LRRC31: variants seen among roughly 807,000 people sequenced by gnomAD.
LRRC31 encodes leucine rich repeat containing 31.
LRRC31 carries 35 observed loss-of-function variants against 46.7 expected under a neutral mutation model. The ratio of observed to expected loss-of-function variants is 0.75; its 90% CI spans 0.57 to 0.99. The LOEUF is 0.99. Among genes scored for constraint, LRRC31 ranks in the 50% least tolerant of loss-of-function variants. The pLI, the probability that LRRC31 is intolerant of heterozygous loss-of-function variation, is 0.00. For missense variants in LRRC31, 613 were observed against 626.1 expected, an observed-to-expected ratio of 0.98 and a Z score of 0.22; for synonymous variants, 236 against 235.1, an observed-to-expected ratio of 1.00 and a Z score of -0.03.
chr3:169,860,604 C>A lies in LRRC31; in HGVS notation c.444G>T (p.Arg148Ser). The change falls in exon 3 of 9, where the codon AGG becomes AGT. Residue 148 changes from arginine (R) to serine (S), a missense_variant. Transcript: ENST00000316428. ...MHLVSKLKIL[R>S]LGSCRLTTDD... ...CAGTGGTGAGTCTGCAGCTACCCAG[C>A]CTCAAGATTTTTAACTTGCTGACCA... 1.9e-6 allele frequency: 3 copies of A among 1,614,116 alleles called. No individual in the cohort carries two copies. The highest frequency in any genetic ancestry group is 2.5e-6 in the Non-Finnish European group (3 of 1,180,004).
chr3:169,856,695 T>C lies in LRRC31; in HGVS notation c.655+10A>G. On this transcript the variant is annotated intron_variant, in intron 4 of 8. Transcript: ENST00000316428. ...TTCACTTTTTTTTTTTCTCTTCAAA[T>C]TCCACTTACCCAGAAATGTCCCATC... 4 of 1,549,930 alleles carry C rather than the reference T, an allele frequency of 2.6e-6. No homozygotes were observed. The highest frequency in any genetic ancestry group is 1.4e-5 in the African/African-American group (1 of 71,940).
intron 1 of LRRC31, among the ~76,000 whole-genome samples, chr3:169,862,307 C>A (rs1781191138): frequency 6.6e-6 from 1 of 152,164 alleles, no homozygotes; most frequent in Admixed American, 6.6e-5. Context: ...GTTTCTAGAC[C>A]ATTCAATTGG....
intron 7 of LRRC31, among the ~76,000 whole-genome samples, chr3:169,849,743 T>G (rs1277597930): frequency 6.6e-6 from 1 of 152,230 alleles, no homozygotes; most frequent in Non-Finnish European, 1.5e-5. Context: ...GTTAGTCATC[T>G]AGCTACCCTC....
chr3:169,857,318 C>CTATATATATATA (rs34162537), intron 3 of LRRC31, among the ~76,000 whole-genome samples: 816 of 65,022 alleles, frequency 0.013, 1 homozygote, highest in Middle Eastern at 0.023. Context: ...TATCACATGC[C>CTATATATATATA]TATATATATA....
chr3:169,840,321 A>G lies in LRRC31; in HGVS notation c.1328-8T>C, dbSNP rs1432930747. The G allele has an allele frequency of 6.2e-7, 1 of 1,613,940 alleles. No homozygotes were observed. Among genetic ancestry groups the G allele is most frequent in the Non-Finnish European group, 8.5e-7 (1 of 1,179,930 alleles). On this transcript the variant is annotated splice_region_variant and splice_polypyrimidine_tract_variant and intron_variant, in intron 8 of 8. Transcript: ENST00000316428. ...CCGTCTGTATGACCGATGCTGGAAA[A>G]CAGAATCACTCTAAATGCTAACATA...
chr3:169,842,933 A>T (rs558121239), intron 8 of LRRC31, among the ~76,000 whole-genome samples: 1 of 152,242 alleles, frequency 6.6e-6, no homozygotes, highest in Non-Finnish European at 1.5e-5. Context: ...TATTTTTTAG[A>T]AGACACAACA....
chr3:169,867,051 G>GTT (rs1426034836), intron 1 of LRRC31, among the ~76,000 whole-genome samples: 3 of 97,502 alleles, frequency 3.1e-5, no homozygotes, highest in African/African-American at 2.6e-4. Context: ...TTTTTTGTTT[G>GTT]TTTGTTTGTT....
At position 169,856,873 on chromosome 3, in the gene LRRC31, C is replaced by T; in HGVS notation, c.488-1G>A. 1 of 1,597,956 alleles carries T rather than the reference C, an allele frequency of 6.3e-7. No individual in the cohort carries two copies. The highest frequency in any genetic ancestry group is 2.3e-5 in the East Asian group (1 of 44,324). ...TCAGGAATCATCTCAAATGCTTCTC[C>T]TGTTAACAAATGGCCCGAAAATTCT... On this transcript the variant is annotated splice_acceptor_variant, in intron 3 of 8. Coordinates refer to ENST00000316428, the MANE Select transcript of LRRC31 (RefSeq NM_024727.4). LOFTEE classifies it high-confidence loss of function.
chr3:169,869,240 G>A (rs532543769), intron 1 of LRRC31, among the ~76,000 whole-genome samples: 5 of 151,884 alleles, frequency 3.3e-5, no homozygotes, highest in African/African-American at 1.2e-4. Context: ...GCATGGTGGT[G>A]CGCATCTGTA....
intron 1 of LRRC31, among the ~76,000 whole-genome samples, chr3:169,867,048 TTTGTTTGTTTG>T (rs1781355310): frequency 1.1e-5 from 1 of 93,492 alleles, no homozygotes; most frequent in African/African-American, 1.0e-4. Context: ...GTTTTTTTTG[TTTGTTTGTTTG>T]TTTTTTTTTT....
At position 169,861,813 on chromosome 3, in the gene LRRC31, GC is replaced by G. The variant is rs572106170; in HGVS notation, c.176-1del. On this transcript the variant is annotated splice_acceptor_variant, in intron 1 of 8. Transcript: ENST00000316428. LOFTEE classifies it high-confidence loss of function. ...TTCCATTTCTGAACTGAGAGGCTTAGCTGTGTGATAAGCATAAAAAAGAATT... is the reference window on the plus strand; with the variant it reads ...TTCCATTTCTGAACTGAGAGGCTTAGTGTGTGATAAGCATAAAAAAGAATT... 8.9e-4 allele frequency: 1,429 copies of G among 1,612,926 alleles called. 19 individuals carry two copies. In the Admixed American group the frequency reaches 0.023, roughly 26 times the overall value.
Position 169,860,809 on chromosome 3 carries a change from C to G in LRRC31, c.320-81G>C. 2.8e-6 allele frequency: 4 copies of G among 1,406,708 alleles called. No individual in the cohort carries two copies. The South Asian group carries it at 4.9e-5, about 17-fold the overall frequency. 87.1% of individuals were successfully genotyped at this position (1,406,708 alleles called of 1,614,324 possible). A position where few individuals can be genotyped will look rare whatever the true frequency, so the allele number is the denominator to read the frequency against. On this transcript the variant is annotated intron_variant, in intron 2 of 8. Coordinates refer to ENST00000316428, the MANE Select transcript of LRRC31 (RefSeq NM_024727.4). ...AAATAAAATGCAATGCTTACATACA[C>G]AGGATATAGTTTTACACTGTAAGAG...
Position 169,840,268 on chromosome 3 carries a change from T to G in LRRC31, c.1373A>C (p.Asp458Ala). ...ACAGATGCTGTCATTGTAGCTCAGG[T>G]CCAGCTTTTGCAGTTTGGCCAGATG... is the stretch of plus-strand genomic sequence containing the variant. ...TGHLAKLQKL[D>A]LSYNDSICDA... The change falls in exon 9 of 9, where the codon GAC becomes GCC. Residue 458 changes from aspartate to alanine, a missense_variant. Coordinates refer to ENST00000316428, the MANE Select transcript of LRRC31 (RefSeq NM_024727.4). The G allele has an allele frequency of 6.2e-7, 1 of 1,614,174 alleles. No homozygotes were observed.
rs369818287 is a variant in LRRC31 at position 169,848,270 on chromosome 3, G to C, written c.1177C>G (p.Leu393Val). The change falls in exon 8 of 9, where the codon CTC becomes GTC. Residue 393 changes from leucine to valine, a missense_variant. Coordinates refer to ENST00000316428, the MANE Select transcript of LRRC31 (RefSeq NM_024727.4). ...AGGTTGAATACTTCCAGAGCAGAGAGGTGAACAGAGGCTTCAGCTAAAAGT... is the reference window on the plus strand; with the variant it reads ...AGGTTGAATACTTCCAGAGCAGAGACGTGAACAGAGGCTTCAGCTAAAAGT... Reference protein sequence around the residue: ...FTALAEASVHLSALEVFNLSW... With the variant: ...FTALAEASVHVSALEVFNLSW... 34 of 1,614,006 alleles carry C rather than the reference G, an allele frequency of 2.1e-5. No individual in the cohort carries two copies. The highest frequency in any genetic ancestry group is 2.9e-5 in the Non-Finnish European group (34 of 1,179,980).
At chr3:169,855,071 G>T in intron 5 of LRRC31, 91 bp from the exon 6 acceptor site, 1 of 1,127,188 alleles carries the variant, frequency 8.9e-7, no homozygotes, top group South Asian at 1.5e-5. Context: ...CAGGAGGATT[G>T]CTTGAGCCCC....
At chr3:169,850,583 T>G (rs1780727948) in intron 7 of LRRC31, among the ~76,000 whole-genome samples, 1 of 152,144 alleles carries the variant, frequency 6.6e-6, no homozygotes, top group Non-Finnish European at 1.5e-5. Context: ...GAATTAGACT[T>G]CCTGAAATCA....
At position 169,851,522 on chromosome 3, in the gene LRRC31, C is replaced by T. The variant is rs770333171; in HGVS notation, c.1159+97G>A. The T allele has an allele frequency of 5.1e-5, 64 of 1,247,666 alleles. No individual in the cohort carries two copies. In the East Asian group the frequency reaches 7.3e-4, roughly 14 times the overall value. 77.3% of individuals were successfully genotyped at this position (1,247,666 alleles called of 1,614,324 possible). A position where few individuals can be genotyped will look rare whatever the true frequency, so the allele number is the denominator to read the frequency against. ...CTGAAAAGAAGACAAATTAGTACTT[C>T]GCAAACTGGCTGAGCCTTGGAATGA... is the stretch of plus-strand genomic sequence containing the variant. On this transcript the variant is annotated intron_variant, in intron 7 of 8. Coordinates refer to ENST00000316428, the MANE Select transcript of LRRC31 (RefSeq NM_024727.4).
intron 1 of LRRC31, among the ~76,000 whole-genome samples, chr3:169,868,182 C>T (rs150006108): frequency 1.3e-3 from 202 of 152,310 alleles, no homozygotes; most frequent in Non-Finnish European, 2.3e-3. Flanking sequence ...CTACCCCTTC[C>T]TCTCCATGTC....
rs1054381173 is a variant in LRRC31, at chr3:169,869,730, C to G, written c.78G>C (p.Arg26Ser). 2.5e-6 allele frequency: 4 copies of G among 1,613,188 alleles called. No individual in the cohort carries two copies. In the Admixed American group the frequency reaches 6.7e-5, roughly 27 times the overall value. The stretch of plus-strand genomic sequence containing the variant: ...CTTTTCTGCTTTCAGCATTGGAGCC[C>G]CTGAGAAATTTGTTGACAGTTGAAG... ...PQTSTVNKFL[R>S]GSNAESRKED... The change falls in exon 1 of 9, where the codon AGG (arginine) becomes AGC (serine). Residue 26 changes from arginine to serine, a missense_variant. Physicochemically the swap from Arg to Ser is moderately radical, Grantham distance 110 (BLOSUM62 -1). Coordinates refer to ENST00000316428, the MANE Select transcript of LRRC31 (RefSeq NM_024727.4).
Sources: gnomAD v4.1 joint callset for allele counts (sites outside exome capture counted in the v4.1 genomes callset) on GRCh38, gnomAD v4.1.1 for gene constraint, MANE v1.5 for transcripts, NCBI Gene and HGNC (gene_info 2026-07-23, HGNC 2026-07-21) for gene names.